Variants in ATXN1 observed in about 807,000 individuals in gnomAD.
The protein encoded by ATXN1 is ataxin 1.
Under a neutral mutation model 56.4 loss-of-function variants are expected in ATXN1, and 8 were observed. That is an observed-to-expected ratio of 0.14 (90% CI 0.08 to 0.26). The LOEUF is 0.26. ATXN1 is among the 10% of genes least tolerant of loss of function. ATXN1 has a pLI of 1.00. For synonymous variants in ATXN1, 514 were observed against 494.6 expected (o/e 1.04, Z -0.52); for missense variants, 987 against 1,106.5 (o/e 0.89, Z 1.53).
At chr6:16,691,044 T>C (rs186404215) in intron 2 of ATXN1, among the ~76,000 whole-genome samples, 24 of 152,260 alleles carry the variant, frequency 1.6e-4, no homozygotes, top group Admixed American at 5.2e-4. Context: ...TTGCAATCAC[T>C]ACTTGTGCCT....
intron 4 of ATXN1, among the ~76,000 whole-genome samples, chr6:16,581,157 G>A (rs569645219): frequency 6.6e-6 from 1 of 151,868 alleles, no homozygotes; most frequent in Admixed American, 6.6e-5. Flanking sequence ...GTTACATACG[G>A]TGCCTGAAGG....
intron 6 of ATXN1, among the ~76,000 whole-genome samples, chr6:16,360,746 T>G (rs1366906866): frequency 6.6e-6 from 1 of 152,200 alleles, no homozygotes; most frequent in Non-Finnish European, 1.5e-5. Context: ...AAATTGTTGT[T>G]AGAAATGTGA....
intron 7 of ATXN1, among the ~76,000 whole-genome samples, chr6:16,324,134 T>C (rs751954833): frequency 2.0e-5 from 3 of 152,116 alleles, no homozygotes; most frequent in African/African-American, 4.8e-5. Flanking sequence ...CTTTCCTCAC[T>C]TGGGCATTTA....
intron 3 of ATXN1, among the ~76,000 whole-genome samples, chr6:16,597,026 C>T (rs1561771751): frequency 6.6e-6 from 1 of 150,794 alleles, no homozygotes; most frequent in Non-Finnish European, 1.5e-5. Context: ...CGCAGGGTGT[C>T]CCACCTGCAT....
At chr6:16,630,626 C>A (rs1763488027) in intron 3 of ATXN1, among the ~76,000 whole-genome samples, 1 of 152,136 alleles carries the variant, frequency 6.6e-6, no homozygotes, top group African/African-American at 2.4e-5. Context: ...ACCTTACCTC[C>A]CAAACACCAA....
intron 6 of ATXN1, among the ~76,000 whole-genome samples, chr6:16,391,161 CAAAAAAAAAA>C (rs35472967): frequency 1.6e-4 from 9 of 56,392 alleles, no homozygotes; most frequent in African/African-American, 4.5e-4. Flanking sequence ...GACTCCATCT[CAAAAAAAAAA>C]AAAAAAAAAA....
At chr6:16,741,692 G>A (rs1308068708) in intron 2 of ATXN1, among the ~76,000 whole-genome samples, 4 of 152,170 alleles carry the variant, frequency 2.6e-5, no homozygotes, top group Non-Finnish European at 4.4e-5. Context: ...TTTAGTCTGA[G>A]GAAGGCTCAT....
intron 6 of ATXN1, among the ~76,000 whole-genome samples, chr6:16,384,116 A>C (rs1361425422): frequency 6.6e-6 from 1 of 152,230 alleles, no homozygotes; most frequent in African/African-American, 2.4e-5. Context: ...ATATTTTGAT[A>C]CCACAGTTTG....
intron 3 of ATXN1, among the ~76,000 whole-genome samples, chr6:16,624,953 C>A (rs2113804660): frequency 6.6e-6 from 1 of 152,342 alleles, no homozygotes; most frequent in South Asian, 2.1e-4. Flanking sequence ...CATCGCTTAT[C>A]ATTTGACGTA....
intron 6 of ATXN1, among the ~76,000 whole-genome samples, chr6:16,479,359 C>T (rs573090581): frequency 3.2e-4 from 48 of 152,318 alleles, no homozygotes; most frequent in African/African-American, 1.1e-3. Context: ...AAAAGGTTAA[C>T]ATAATCTTCA....
intron 2 of ATXN1, among the ~76,000 whole-genome samples, chr6:16,681,355 G>A (rs1045504957): frequency 6.6e-6 from 1 of 152,206 alleles, no homozygotes; most frequent in Non-Finnish European, 1.5e-5. Context: ...TGCAGTGTAG[G>A]GTGACGCCAT....
At chr6:16,478,937 T>G (rs1760381449) in intron 6 of ATXN1, among the ~76,000 whole-genome samples, 1 of 152,164 alleles carries the variant, frequency 6.6e-6, no homozygotes, top group South Asian at 2.1e-4. Flanking sequence ...CAGCAGCGAA[T>G]TCTGACAGCA....
intron 4 of ATXN1, among the ~76,000 whole-genome samples, chr6:16,542,587 G>A (rs973972484): frequency 1.3e-5 from 2 of 152,068 alleles, no homozygotes; most frequent in Non-Finnish European, 2.9e-5. Flanking sequence ...CAACTACTTG[G>A]GAGCCCAAGG....
chr6:16,642,912 A>T (rs1763732201), intron 3 of ATXN1, among the ~76,000 whole-genome samples: 1 of 152,198 alleles, frequency 6.6e-6, no homozygotes, highest in African/African-American at 2.4e-5. Flanking sequence ...AAAACCAAAA[A>T]ATTTGTGTGA....
intron 7 of ATXN1, among the ~76,000 whole-genome samples, chr6:16,322,757 C>G (rs1760685772): frequency 6.6e-6 from 1 of 152,226 alleles, no homozygotes; most frequent in African/African-American, 2.4e-5. Context: ...CTCTCATGCT[C>G]TCTGTCTGAG....
Position 16,529,336 on chromosome 6 carries a change from G to A in ATXN1, c.-360-6648C>T, listed in dbSNP as rs189470255. ...GCAAGCGTTCTTCAGGCAGCACAGCGGGACCAAAGTGCTGACAGTGGCAAC... is the reference window on the plus strand; with the variant it reads ...GCAAGCGTTCTTCAGGCAGCACAGCAGGACCAAAGTGCTGACAGTGGCAAC... On this transcript the variant is annotated intron_variant, in intron 4 of 7. Coordinates refer to ENST00000436367, the MANE Select transcript of ATXN1 (RefSeq NM_001128164.2). Among the ~76,000 whole-genome samples the A allele has an allele frequency of 5.6e-3, 855 of 151,828 alleles. 25 individuals are homozygous for A. Among genetic ancestry groups the A allele is most frequent in the Admixed American group, 0.046 (708 of 15,244 alleles).
intron 6 of ATXN1, among the ~76,000 whole-genome samples, chr6:16,420,612 T>C (rs1001357606): frequency 6.6e-6 from 1 of 152,212 alleles, no homozygotes; most frequent in Non-Finnish European, 1.5e-5. Flanking sequence ...CATTTAGTAA[T>C]ACCCTGAAGC....
At chr6:16,538,338 T>A (rs190877965) in intron 4 of ATXN1, among the ~76,000 whole-genome samples, 83 of 152,318 alleles carry the variant, frequency 5.4e-4, no homozygotes, top group African/African-American at 1.9e-3. Flanking sequence ...CTTAGAGCAG[T>A]ATTATAGGTG....
chr6:16,642,127 C>T (rs1319520598), intron 3 of ATXN1, among the ~76,000 whole-genome samples: 1 of 152,210 alleles, frequency 6.6e-6, no homozygotes, highest in African/African-American at 2.4e-5. Flanking sequence ...GTGGCTCACG[C>T]TTGTAATCTC....
Sources: gnomAD v4.1 joint callset for allele counts (sites outside exome capture counted in the v4.1 genomes callset) on GRCh38, gnomAD v4.1.1 for gene constraint, MANE v1.5 for transcripts, NCBI Gene and HGNC (gene_info 2026-07-23, HGNC 2026-07-21) for gene names.